Variants in LRMDA observed in about 807,000 individuals in gnomAD.
LRMDA encodes leucine rich melanocyte differentiation associated.
In LRMDA, 18 loss-of-function variants were observed where a neutral mutation model predicts 29.8. That is an observed-to-expected ratio of 0.60 (90% CI 0.42 to 0.90). LRMDA has a LOEUF of 0.90. LRMDA is among the 40% of genes least tolerant of loss of function. The pLI, the probability that LRMDA is intolerant of heterozygous loss-of-function variation, is 0.00. For missense variants in LRMDA, 273 were observed against 273.9 expected (o/e 1.00, Z 0.02); for synonymous variants, 125 against 109.4 (o/e 1.14, Z -0.89).
intron 2 of LRMDA, among the ~76,000 whole-genome samples, chr10:75,584,671 G>A (rs1564515861): frequency 6.6e-6 from 1 of 152,154 alleles, no homozygotes; most frequent in East Asian, 1.9e-4. Flanking sequence ...GGTGGTGAAA[G>A]ATATATGAGA....
chr10:75,942,162 G>T (rs1427816448), intron 2 of LRMDA, among the ~76,000 whole-genome samples: 1 of 152,032 alleles, frequency 6.6e-6, no homozygotes, highest in African/African-American at 2.4e-5. Context: ...GCGACGTGCA[G>T]CCCCTTCAAG....
chr10:76,452,723 T>C (rs917007474), intron 6 of LRMDA, among the ~76,000 whole-genome samples: 2 of 152,184 alleles, frequency 1.3e-5, no homozygotes, highest in Admixed American at 6.5e-5. Flanking sequence ...GGGAGGATGG[T>C]TTAAAAAGTT....
intron 2 of LRMDA, among the ~76,000 whole-genome samples, chr10:75,448,590 G>A (rs1343836543): frequency 6.6e-6 from 1 of 152,196 alleles, no homozygotes; most frequent in Non-Finnish European, 1.5e-5. Context: ...AGTGATGGGG[G>A]TGGGCTCTAT....
At chr10:75,763,593 A>C (rs1843123883) in intron 2 of LRMDA, among the ~76,000 whole-genome samples, 1 of 152,220 alleles carries the variant, frequency 6.6e-6, no homozygotes, top group East Asian at 1.9e-4. Context: ...CGAGCAAAAC[A>C]GTTTACGAGT....
intron 6 of LRMDA, among the ~76,000 whole-genome samples, chr10:76,397,942 T>G (rs942907159): frequency 6.6e-6 from 1 of 152,192 alleles, no homozygotes; most frequent in Non-Finnish European, 1.5e-5. Flanking sequence ...GAGCACAAAC[T>G]GTGATGAGTC....
chr10:75,680,135 G>C (rs12261869), intron 2 of LRMDA, among the ~76,000 whole-genome samples: 5,681 of 152,316 alleles, frequency 0.037, 265 homozygotes, highest in African/African-American at 0.11. Context: ...GTTCAAATCT[G>C]ACAGGAGAGA....
chr10:75,563,827 G>A (rs1415974233), intron 2 of LRMDA, among the ~76,000 whole-genome samples: 6 of 152,140 alleles, frequency 3.9e-5, no homozygotes, highest in African/African-American at 9.7e-5. Flanking sequence ...TATCAGCAGC[G>A]GTGGCTGCAG....
intron 2 of LRMDA, among the ~76,000 whole-genome samples, chr10:75,974,048 A>G (rs1199187042): frequency 1.3e-5 from 2 of 152,124 alleles, no homozygotes; most frequent in Non-Finnish European, 2.9e-5. Context: ...TGTTGGCAAA[A>G]CTACAAACAA....
intron 2 of LRMDA, among the ~76,000 whole-genome samples, chr10:75,793,055 A>G (rs1383333445): frequency 2.0e-5 from 3 of 152,188 alleles, no homozygotes; most frequent in Non-Finnish European, 2.9e-5. Flanking sequence ...GGTGAGAATA[A>G]TAGGAGAGAG....
intron 5 of LRMDA, among the ~76,000 whole-genome samples, chr10:76,163,726 C>T (rs993265466): frequency 6.6e-6 from 1 of 152,086 alleles, no homozygotes; most frequent in African/African-American, 2.4e-5. Context: ...ATGGTAGAGT[C>T]AAAAAGATTC....
rs1235659855 is a variant in LRMDA, at chr10:76,368,250, C to A, written c.601+43765C>A. Among the ~76,000 whole-genome samples the A allele has an allele frequency of 2.6e-5, 4 of 152,222 alleles. No homozygotes were observed. In the South Asian group the frequency reaches 6.2e-4, roughly 24 times the overall value. The stretch of plus-strand genomic sequence containing the variant: ...GTAGGCGTTTAGGGCTGTGAACTTT[C>A]CTTTTAGCACTGCCTTTGCTGTATC... On this transcript the variant is annotated intron_variant, in intron 6 of 6. Transcript: ENST00000611255.
Position 75,803,791 on chromosome 10 carries a change from C to T in LRMDA, c.132-232217C>T, listed in dbSNP as rs150006832. On this transcript the variant is annotated intron_variant, in intron 2 of 6. Coordinates refer to ENST00000611255, the MANE Select transcript of LRMDA (RefSeq NM_001305581.2). ...TTCAGGAGCATGGAGTCCAAGTGCCCATTTCCTGTACATTTGGCTCAGATA... is the reference window on the plus strand; with the variant it reads ...TTCAGGAGCATGGAGTCCAAGTGCCTATTTCCTGTACATTTGGCTCAGATA... Among the ~76,000 whole-genome samples the T allele has an allele frequency of 5.8e-4, 88 of 152,306 alleles. 1 individual carries two copies. In the East Asian group the frequency reaches 0.017, roughly 29 times the overall value.
At chr10:75,721,944 G>A (rs1842572757) in intron 2 of LRMDA, among the ~76,000 whole-genome samples, 1 of 152,176 alleles carries the variant, frequency 6.6e-6, no homozygotes, top group Admixed American at 6.5e-5. Context: ...ATGACGAGTT[G>A]AGGAATTAAG....
At chr10:75,718,947 G>A (rs1842533752) in intron 2 of LRMDA, among the ~76,000 whole-genome samples, 1 of 152,212 alleles carries the variant, frequency 6.6e-6, no homozygotes, top group South Asian at 2.1e-4. Context: ...CTGGGTCTTA[G>A]TTGTTAATTT....
intron 2 of LRMDA, chr10:75,882,742 A>G (rs957217853): frequency 6.6e-6 from 1 of 152,212 alleles, no homozygotes; most frequent in Non-Finnish European, 1.5e-5. Context: ...GTGTTTGGCC[A>G]CCTGATGCCA....
intron 2 of LRMDA, among the ~76,000 whole-genome samples, chr10:75,668,319 AT>A (rs1413408568): frequency 6.6e-6 from 1 of 152,152 alleles, no homozygotes; most frequent in Non-Finnish European, 1.5e-5. Context: ...TCTGTGGCCC[AT>A]TGGAAGTGGC....
chr10:75,935,698 G>A (rs1283311804), intron 2 of LRMDA, among the ~76,000 whole-genome samples: 1 of 152,170 alleles, frequency 6.6e-6, no homozygotes, highest in African/African-American at 2.4e-5. Context: ...GGGATGGCAG[G>A]GCATGAAGGG....
At chr10:76,193,356 C>T (rs996574100) in intron 5 of LRMDA, among the ~76,000 whole-genome samples, 4 of 152,120 alleles carry the variant, frequency 2.6e-5, no homozygotes, top group African/African-American at 9.7e-5. Flanking sequence ...TAATTAGGCT[C>T]CCTGCTTCAA....
At chr10:76,550,834 C>T (rs1163181965) in intron 6 of LRMDA, among the ~76,000 whole-genome samples, 1 of 152,142 alleles carries the variant, frequency 6.6e-6, no homozygotes, top group Non-Finnish European at 1.5e-5. Flanking sequence ...TTTAAAGTCT[C>T]TCTTCTTTAT....
Sources: gnomAD v4.1 joint callset for allele counts (sites outside exome capture counted in the v4.1 genomes callset) on GRCh38, gnomAD v4.1.1 for gene constraint, MANE v1.5 for transcripts, NCBI Gene and HGNC (gene_info 2026-07-23, HGNC 2026-07-21) for gene names.